The following AUTS2 variants were observed in gnomAD, a reference collection of about 807,000 sequenced individuals.
The protein encoded by AUTS2 is activator of transcription and developmental regulator AUTS2.
A neutral mutation model predicts 112.4 loss-of-function variants in AUTS2; 17 were observed. The observed-to-expected ratio is 0.15, with a 90% CI of 0.10 to 0.23. AUTS2 has a LOEUF of 0.23. Ranked by LOEUF, AUTS2 falls within the 10% of genes least tolerant of loss-of-function variation. The pLI, the probability that AUTS2 is intolerant of heterozygous loss-of-function variation, is 1.00. For synonymous variants in AUTS2, 751 were observed against 702.7 expected, an observed-to-expected ratio of 1.07 and a Z score of -1.09; for missense variants, 1,510 against 1,701.6, an observed-to-expected ratio of 0.89 and a Z score of 1.98.
chr7:70,212,646 G>C (rs1282691050), intron 4 of AUTS2, among the ~76,000 whole-genome samples: 1 of 151,538 alleles, frequency 6.6e-6, no homozygotes, highest in Non-Finnish European at 1.5e-5. Context: ...ACTTTAAAAA[G>C]AGTGTTGATT....
intron 2 of AUTS2, among the ~76,000 whole-genome samples, chr7:70,056,997 G>A (rs1239259959): frequency 1.3e-5 from 2 of 152,174 alleles, no homozygotes; most frequent in East Asian, 3.9e-4. Context: ...TATATAATAC[G>A]TGACTATAAA....
intron 5 of AUTS2, among the ~76,000 whole-genome samples, chr7:70,624,102 C>A (rs555421364): frequency 6.6e-6 from 1 of 152,292 alleles, no homozygotes; most frequent in Admixed American, 6.5e-5. Context: ...AATGTTTATA[C>A]CTTGGGCTTA....
At chr7:70,316,755 T>C (rs1790016838) in intron 4 of AUTS2, among the ~76,000 whole-genome samples, 1 of 152,122 alleles carries the variant, frequency 6.6e-6, no homozygotes. Context: ...CGTTGGTGAA[T>C]TTGAAACAGA....
chr7:70,695,513 G>A (rs112844975), intron 5 of AUTS2, among the ~76,000 whole-genome samples: 2,021 of 152,272 alleles, frequency 0.013, 37 homozygotes, highest in African/African-American at 0.046. Flanking sequence ...AAGAACTCGC[G>A]CTTAAGTTTC....
At chr7:69,745,170 C>G (rs982282756) in intron 1 of AUTS2, among the ~76,000 whole-genome samples, 2 of 152,124 alleles carry the variant, frequency 1.3e-5, no homozygotes, top group Non-Finnish European at 2.9e-5. Context: ...AACCACCTCT[C>G]CCTACGCCTC....
intron 1 of AUTS2, among the ~76,000 whole-genome samples, chr7:69,791,567 TA>T (rs1344825422): frequency 2.0e-5 from 3 of 152,186 alleles, no homozygotes; most frequent in Non-Finnish European, 4.4e-5. Context: ...TGCTTTCTCT[TA>T]ATGGGAAGGT....
intron 4 of AUTS2, among the ~76,000 whole-genome samples, chr7:70,211,409 G>C (rs1198292788): frequency 6.6e-6 from 1 of 151,650 alleles, no homozygotes; most frequent in Non-Finnish European, 1.5e-5. Flanking sequence ...CAGCACTTTG[G>C]GAGGCAGAAG....
intron 1 of AUTS2, among the ~76,000 whole-genome samples, chr7:69,880,033 G>C (rs1240651377): frequency 6.6e-6 from 1 of 152,188 alleles, no homozygotes; most frequent in African/African-American, 2.4e-5. Context: ...AACTTATAAA[G>C]AAAAGAGGTT....
chr7:70,730,174 A>G (rs966735415), intron 6 of AUTS2, among the ~76,000 whole-genome samples: 4 of 150,674 alleles, frequency 2.7e-5, no homozygotes, highest in African/African-American at 9.8e-5. Context: ...GAGCCACTGC[A>G]CCCAGCCTGT....
chr7:69,897,880 G>T (rs1794818630), intron 1 of AUTS2, among the ~76,000 whole-genome samples: 1 of 152,204 alleles, frequency 6.6e-6, no homozygotes, highest in Admixed American at 6.5e-5. Flanking sequence ...GTAAAGTTGG[G>T]AGTGCTGGGA....
intron 1 of AUTS2, among the ~76,000 whole-genome samples, chr7:69,833,815 G>A (rs983022706): frequency 7.9e-5 from 12 of 152,216 alleles, no homozygotes; most frequent in South Asian, 2.1e-4. Context: ...TTCATATTCC[G>A]ATAAGTGTAT....
chr7:69,755,123 C>T (rs143136801), intron 1 of AUTS2, among the ~76,000 whole-genome samples: 88 of 152,214 alleles, frequency 5.8e-4, no homozygotes, highest in African/African-American at 2.0e-3. Flanking sequence ...TGGTTTGGGG[C>T]GGACAGGCAG....
chr7:70,350,532 A>G (rs1452543300), intron 4 of AUTS2, among the ~76,000 whole-genome samples: 1 of 152,180 alleles, frequency 6.6e-6, no homozygotes, highest in Non-Finnish European at 1.5e-5. Context: ...TTATAAAACC[A>G]TCAGCTCTCC....
At chr7:70,113,790 T>C (rs1805212522) in intron 2 of AUTS2, among the ~76,000 whole-genome samples, 1 of 152,110 alleles carries the variant, frequency 6.6e-6, no homozygotes, top group African/African-American at 2.4e-5. Flanking sequence ...TTTTTGAAAC[T>C]CTCCATATCC....
rs957306231 is a variant in AUTS2 at position 70,793,143 on chromosome 7, G to A, written c.*2147G>A. On this transcript the variant is annotated 3_prime_UTR_variant, in exon 19 of 19. Transcript: ENST00000342771. Reference sequence around the variant, plus strand: ...TTCGTATGTCCAAGATACTGTAAAAGGTACTTCTGGATTTTGTAGACGTGT... The same window carrying A: ...TTCGTATGTCCAAGATACTGTAAAAAGTACTTCTGGATTTTGTAGACGTGT... The A allele has an allele frequency of 6.7e-6, 1 of 150,030 alleles. No individual in the cohort carries two copies. The highest frequency in any genetic ancestry group is 6.7e-5 in the Admixed American group (1 of 14,992). 9.3% of individuals were successfully genotyped at this position (150,030 alleles called of 1,614,324 possible). A position where few individuals can be genotyped will look rare whatever the true frequency, so the allele number is the denominator to read the frequency against.
intron 1 of AUTS2, among the ~76,000 whole-genome samples, chr7:69,862,595 G>A (rs1033227422): frequency 6.6e-6 from 1 of 152,034 alleles, no homozygotes; most frequent in Non-Finnish European, 1.5e-5. Flanking sequence ...TTGTGTATGA[G>A]GTTTTAATCC....
At chr7:70,721,260 T>A (rs1444994210) in intron 6 of AUTS2, among the ~76,000 whole-genome samples, 1 of 146,680 alleles carries the variant, frequency 6.8e-6, no homozygotes, top group East Asian at 2.0e-4. Flanking sequence ...CTGACGTGTG[T>A]GACAGCCAGA....
chr7:70,659,184 G>T (rs1334135872), intron 5 of AUTS2, among the ~76,000 whole-genome samples: 1 of 152,188 alleles, frequency 6.6e-6, no homozygotes, highest in Admixed American at 6.5e-5. Context: ...GGTAGGCATG[G>T]ACAGTGAGGT....
At chr7:70,206,300 A>T (rs979460181) in intron 4 of AUTS2, among the ~76,000 whole-genome samples, 1 of 152,148 alleles carries the variant, frequency 6.6e-6, no homozygotes, top group Non-Finnish European at 1.5e-5. Flanking sequence ...GGAAAGGGTC[A>T]GGGCAGGCAT....
Sources: allele counts gnomAD v4.1 joint callset (sites outside exome capture counted in the v4.1 genomes callset), GRCh38; gene constraint gnomAD v4.1.1; transcripts MANE v1.5; gene names NCBI Gene and HGNC (gene_info 2026-07-23, HGNC 2026-07-21).